The following DOP1B variants were observed in gnomAD, a reference collection of about 807,000 sequenced individuals.
The protein encoded by DOP1B is protein DOP1B.
A neutral mutation model predicts 233.5 loss-of-function variants in DOP1B; 174 were observed. The observed-to-expected ratio is 0.75, with a 90% CI of 0.66 to 0.85. DOP1B has a LOEUF of 0.85. Among genes scored for constraint, DOP1B ranks in the 40% least tolerant of loss-of-function variants. The pLI is 0.00. For missense variants in DOP1B, 2,652 were observed against 2,846.6 expected (o/e 0.93, Z 1.56); for synonymous variants, 1,190 against 1,185.6 (o/e 1.00, Z -0.08).
At chr21:36,212,410 TA>T (rs1335661890) in intron 7 of DOP1B, among the ~76,000 whole-genome samples, 3 of 152,230 alleles carry the variant, frequency 2.0e-5, no homozygotes, top group Non-Finnish European at 2.9e-5. Flanking sequence ...AGCCTGTTGC[TA>T]TGGAGAAGTT....
At chr21:36,231,235 AT>A in intron 14 of DOP1B, 101 bp downstream of exon 14, 3 of 1,413,820 alleles carry the variant, frequency 2.1e-6, no homozygotes, top group Non-Finnish European at 2.8e-6. Context: ...GACCAAATGT[AT>A]TTTGGATTTC....
At chr21:36,176,240 G>A (rs1488342692) in intron 2 of DOP1B, among the ~76,000 whole-genome samples, 1 of 152,054 alleles carries the variant, frequency 6.6e-6, no homozygotes, top group Non-Finnish European at 1.5e-5. Context: ...CTGCATTGTG[G>A]GGGTATCCTA....
At chr21:36,195,481 T>C (rs1569013374) in intron 2 of DOP1B, among the ~76,000 whole-genome samples, 1 of 151,612 alleles carries the variant, frequency 6.6e-6, no homozygotes, top group South Asian at 2.1e-4. Flanking sequence ...TTGCAGTGAG[T>C]TGCAATCACA....
intron 23 of DOP1B, among the ~76,000 whole-genome samples, chr21:36,254,332 C>A (rs1352637577): frequency 6.6e-6 from 1 of 151,600 alleles, no homozygotes; most frequent in Admixed American, 6.6e-5. Flanking sequence ...ATAACCACTG[C>A]GGTAAGGGAA....
chr21:36,158,520 A>G (rs1601365762), intron 1 of DOP1B, among the ~76,000 whole-genome samples: 1 of 152,310 alleles, frequency 6.6e-6, no homozygotes, highest in East Asian at 1.9e-4. Flanking sequence ...AAAGAAATGC[A>G]TGCAGCCGGG....
chr21:36,200,519 C>A lies in DOP1B; in HGVS notation c.491+18C>A. 6.3e-7 allele frequency: 1 copy of A among 1,590,180 alleles called. No homozygotes were observed. Among genetic ancestry groups the A allele is most frequent in the Non-Finnish European group, 8.5e-7 (1 of 1,170,542 alleles). On this transcript the variant is annotated intron_variant, in intron 4 of 36. Coordinates refer to ENST00000691173, the MANE Select transcript of DOP1B (RefSeq NM_001320714.2). ...TCCGACAGGTGCGTGGGCGTCTTGT[C>A]CAGGCTGTGTTTACTCCACTGCTTT... is the stretch of plus-strand genomic sequence containing the variant.
Position 36,238,681 on chromosome 21 carries a change from TCA to T in DOP1B, c.2859_2860del (p.His953GlnfsTer5). 6.8e-6 allele frequency: 11 copies of T among 1,614,210 alleles called. No homozygotes were observed. The highest frequency in any genetic ancestry group is 9.3e-6 in the Non-Finnish European group (11 of 1,180,038). On this transcript the variant is annotated frameshift_variant, in exon 17 of 37. Transcript: ENST00000691173. LOFTEE classifies it high-confidence loss of function. ...REIQGSRVTS[H>X]NRSFDRSLFV... ...AGATCCAAGGCAGTCGAGTAACATC[TCA>T]CAATCGCTCCTTTGATAGGTGAGGC...
chr21:36,177,675 A>G (rs1015208745), intron 2 of DOP1B, among the ~76,000 whole-genome samples: 8 of 152,150 alleles, frequency 5.3e-5, no homozygotes, highest in Admixed American at 4.6e-4. Context: ...AGGAACTGGT[A>G]GCTAAATAAG....
chr21:36,186,375 T>C (rs2066165958), intron 2 of DOP1B, among the ~76,000 whole-genome samples: 1 of 151,976 alleles, frequency 6.6e-6, no homozygotes, highest in South Asian at 2.1e-4. Context: ...AGTGTGTATG[T>C]GTGGAGTGTG....
intron 16 of DOP1B, 72 bp from the exon 17 acceptor site, chr21:36,238,529 G>C: frequency 7.9e-7 from 1 of 1,261,488 alleles, no homozygotes; most frequent in Non-Finnish European, 1.2e-6. Context: ...GTTTAAATGG[G>C]GTTTATGGTG....
chr21:36,202,647 A>C (rs567112911), intron 4 of DOP1B, among the ~76,000 whole-genome samples: 1 of 152,320 alleles, frequency 6.6e-6, no homozygotes, highest in South Asian at 2.1e-4. Context: ...TAACTAAAAC[A>C]TTGCACTTTA....
chr21:36,169,782 G>A (rs2065954413), intron 2 of DOP1B: 1 of 1,261,766 alleles, frequency 7.9e-7, no homozygotes, highest in Non-Finnish European at 1.2e-6. Context: ...ATTTCTTGCA[G>A]TACTTGGTAA....
Position 36,214,256 on chromosome 21 carries a change from G to A in DOP1B, c.1014+66G>A. The A allele has an allele frequency of 2.8e-6, 4 of 1,442,922 alleles. No individual in the cohort carries two copies. In the South Asian group the frequency reaches 4.8e-5, roughly 17 times the overall value. 89.4% of individuals were successfully genotyped at this position (1,442,922 alleles called of 1,614,324 possible). On this transcript the variant is annotated intron_variant, in intron 8 of 36. Transcript: ENST00000691173. The stretch of plus-strand genomic sequence containing the variant: ...ACGATTCTCCAGTGGATTTCTTTGG[G>A]AGGCTTCCACATAGGCAGTGAGCAC...
chr21:36,275,633 A>G (rs954890968), intron 27 of DOP1B, among the ~76,000 whole-genome samples: 5 of 151,852 alleles, frequency 3.3e-5, no homozygotes, highest in African/African-American at 1.2e-4. Context: ...AAAAAAAAAA[A>G]AGAATTATGT....
intron 20 of DOP1B, 22 bp downstream of exon 20, chr21:36,247,650 G>A (rs1174881508): frequency 1.3e-6 from 2 of 1,512,644 alleles, no homozygotes; most frequent in African/African-American, 1.4e-5. Context: ...TTTTTCCTGA[G>A]TTCAAGGCAA....
intron 1 of DOP1B, among the ~76,000 whole-genome samples, chr21:36,161,226 A>T (rs1213145942): frequency 6.6e-6 from 1 of 151,560 alleles, no homozygotes. Flanking sequence ...GCCCACTGCA[A>T]CCTCCGCCTC....
chr21:36,182,139 T>C (rs2066106301), intron 2 of DOP1B, among the ~76,000 whole-genome samples: 1 of 152,178 alleles, frequency 6.6e-6, no homozygotes, highest in Non-Finnish European at 1.5e-5. Context: ...GAGGATAATC[T>C]AATTCCGATT....
chr21:36,220,713 C>A (rs2066614281), intron 10 of DOP1B, among the ~76,000 whole-genome samples: 1 of 147,294 alleles, frequency 6.8e-6, no homozygotes, highest in Non-Finnish European at 1.5e-5. Flanking sequence ...CCATGTTGCT[C>A]AGGCTGGTCT....
rs557055679 is a variant in DOP1B, at chr21:36,231,001, G to C, written c.2217G>C (p.Leu739=). The C allele has an allele frequency of 2.5e-6, 4 of 1,614,122 alleles. No homozygotes were observed. The African/African-American group carries it at 4.0e-5, about 16-fold the overall frequency. Residue 739 remains leucine (L), a synonymous_variant, in exon 14 of 37, where the codon CTG becomes CTC. Coordinates refer to ENST00000691173, the MANE Select transcript of DOP1B (RefSeq NM_001320714.2). The part of the protein sequence containing the change: ...EWDVEKVVID[L]GGSREERREA... ...ATGTTGAGAAGGTGGTCATTGACCTGGGGGGTTCCAGGGAGGAACGCAGGG... is the reference window on the plus strand; with the variant it reads ...ATGTTGAGAAGGTGGTCATTGACCTCGGGGGTTCCAGGGAGGAACGCAGGG...
Sources: allele counts gnomAD v4.1 joint callset (sites outside exome capture counted in the v4.1 genomes callset), GRCh38; gene constraint gnomAD v4.1.1; transcripts MANE v1.5; gene names NCBI Gene and HGNC (gene_info 2026-07-23, HGNC 2026-07-21).